The following LDLRAD3 variants were observed in gnomAD, a reference collection of about 807,000 sequenced individuals.
The protein encoded by LDLRAD3 is low density lipoprotein receptor class A domain containing 3.
LDLRAD3 carries 20 observed loss-of-function variants against 29.4 expected under a neutral mutation model. The ratio of observed to expected loss-of-function variants is 0.68; its 90% CI spans 0.48 to 0.99. LDLRAD3 has a LOEUF of 0.99. Ranked by LOEUF, LDLRAD3 falls within the 50% of genes least tolerant of loss-of-function variation. The pLI, the probability that LDLRAD3 is intolerant of heterozygous loss-of-function variation, is 0.00. For synonymous variants in LDLRAD3, 157 were observed against 192.7 expected (o/e 0.81, Z 1.53); for missense variants, 420 against 454.3 (o/e 0.92, Z 0.69).
At chr11:36,226,433 T>C (rs1855499315) in intron 4 of LDLRAD3, among the ~76,000 whole-genome samples, 1 of 152,228 alleles carries the variant, frequency 6.6e-6, no homozygotes, top group South Asian at 2.1e-4. Flanking sequence ...TCCTGAGGTG[T>C]GTTATACATT....
At chr11:36,116,444 G>A (rs1853675451) in intron 4 of LDLRAD3, among the ~76,000 whole-genome samples, 1 of 152,128 alleles carries the variant, frequency 6.6e-6, no homozygotes, top group African/African-American at 2.4e-5. Flanking sequence ...GGGGATGGGG[G>A]GATGCTCATA....
intron 1 of LDLRAD3, among the ~76,000 whole-genome samples, chr11:36,027,659 G>T (rs1852185370): frequency 6.6e-6 from 1 of 152,182 alleles, no homozygotes; most frequent in African/African-American, 2.4e-5. Flanking sequence ...GCCCTGCCTG[G>T]AGGCATCTGC....
At chr11:36,036,020 A>C (rs1415890756) in intron 1 of LDLRAD3, 83 bp from the exon 2 acceptor site, 1 of 1,434,574 alleles carries the variant, frequency 7.0e-7, no homozygotes, top group Non-Finnish European at 9.5e-7. Flanking sequence ...TCTCACCTAT[A>C]CCAAACCACA....
chr11:36,109,818 G>A (rs1474594545), intron 4 of LDLRAD3: 8 of 151,902 alleles, frequency 5.3e-5, no homozygotes, highest in African/African-American at 1.9e-4. Flanking sequence ...AATTTGAAGG[G>A]TGGTCAGTAT....
At chr11:36,097,106 G>A (rs1479001115) in intron 3 of LDLRAD3, among the ~76,000 whole-genome samples, 1 of 152,198 alleles carries the variant, frequency 6.6e-6, no homozygotes, top group African/African-American at 2.4e-5. Flanking sequence ...TTCTTAAGGG[G>A]ACGGCCCAGA....
chr11:36,230,912 C>G lies in LDLRAD3; in HGVS notation c.*1515C>G, dbSNP rs145869506. 7 of 152,478 alleles carry G rather than the reference C, an allele frequency of 4.6e-5. No homozygotes were observed. In the East Asian group the frequency reaches 1.4e-3, roughly 29 times the overall value. 9.4% of individuals were successfully genotyped at this position (152,478 alleles called of 1,614,324 possible). A position where few individuals can be genotyped will look rare whatever the true frequency, so the allele number is the denominator to read the frequency against. Reference sequence around the variant, plus strand: ...CTTGAAGGAAGCAGAAAGAGGGACTCCTCTCTCCCTCCGTGTATAGTCTCT... The same window carrying G: ...CTTGAAGGAAGCAGAAAGAGGGACTGCTCTCTCCCTCCGTGTATAGTCTCT... On this transcript the variant is annotated 3_prime_UTR_variant, in exon 6 of 6. Coordinates refer to ENST00000315571, the MANE Select transcript of LDLRAD3 (RefSeq NM_174902.4).
chr11:36,148,087 T>A (rs1381865116), intron 4 of LDLRAD3, among the ~76,000 whole-genome samples: 2 of 152,100 alleles, frequency 1.3e-5, no homozygotes, highest in Non-Finnish European at 2.9e-5. Flanking sequence ...GCCAGGCTGG[T>A]CTTGAACTCC....
intron 2 of LDLRAD3, among the ~76,000 whole-genome samples, chr11:36,053,900 T>C (rs1482757197): frequency 1.3e-5 from 2 of 151,510 alleles, no homozygotes; most frequent in African/African-American, 4.8e-5. Context: ...AGCAGTTAGC[T>C]ATGCCCACAG....
intron 4 of LDLRAD3, among the ~76,000 whole-genome samples, chr11:36,179,411 T>G (rs1317727536): frequency 6.6e-6 from 1 of 151,930 alleles, no homozygotes; most frequent in East Asian, 1.9e-4. Context: ...GAGGTGGTGG[T>G]TGCAGTGAGC....
intron 5 of LDLRAD3, among the ~76,000 whole-genome samples, chr11:36,228,155 A>T (rs1459585480): frequency 6.6e-6 from 1 of 152,116 alleles, no homozygotes; most frequent in African/African-American, 2.4e-5. Flanking sequence ...ATGGCATTAG[A>T]CATTTTGCTG....
intron 1 of LDLRAD3, among the ~76,000 whole-genome samples, chr11:36,031,070 G>A (rs953421865): frequency 4.0e-5 from 6 of 151,006 alleles, no homozygotes; most frequent in Non-Finnish European, 8.8e-5. Context: ...AATAGAATGG[G>A]ACTTGTAATT....
At chr11:36,051,385 C>T (rs1412762724) in intron 2 of LDLRAD3, among the ~76,000 whole-genome samples, 1 of 152,178 alleles carries the variant, frequency 6.6e-6, no homozygotes, top group Non-Finnish European at 1.5e-5. Context: ...TCATGCTCTA[C>T]CTCTACCTAG....
chr11:35,975,038 C>G (rs1376552031), intron 1 of LDLRAD3, among the ~76,000 whole-genome samples: 1 of 152,208 alleles, frequency 6.6e-6, no homozygotes, highest in Non-Finnish European at 1.5e-5. Context: ...GGTGTGGAGC[C>G]TAACTCTGTC....
At chr11:36,002,647 C>G (rs1431942338) in intron 1 of LDLRAD3, among the ~76,000 whole-genome samples, 2 of 152,186 alleles carry the variant, frequency 1.3e-5, no homozygotes, top group Non-Finnish European at 2.9e-5. Context: ...TGGAACCTCA[C>G]TTGGCTTTAG....
rs567738779 is a variant in LDLRAD3 at position 36,121,286 on chromosome 11, G to T, written c.454+22825G>T. On this transcript the variant is annotated intron_variant, in intron 4 of 5. Transcript: ENST00000315571. Reference sequence around the variant, plus strand: ...GTTTGCCTAAGTGAGAGTGATGACTGGAGCCAGAAGACACCCGGGGGAGAG... The same window carrying T: ...GTTTGCCTAAGTGAGAGTGATGACTTGAGCCAGAAGACACCCGGGGGAGAG... Among the ~76,000 whole-genome samples, 3 of 152,260 alleles carry T rather than the reference G, an allele frequency of 2.0e-5. No individual in the cohort carries two copies. The South Asian group carries it at 6.2e-4, about 32-fold the overall frequency.
chr11:36,107,907 A>G (rs1590273254), intron 4 of LDLRAD3, among the ~76,000 whole-genome samples: 1 of 152,338 alleles, frequency 6.6e-6, no homozygotes, highest in East Asian at 1.9e-4. Flanking sequence ...GCACGTACCA[A>G]ATTTTGTTAA....
chr11:35,956,881 G>A (rs969562801), intron 1 of LDLRAD3, among the ~76,000 whole-genome samples: 5 of 151,640 alleles, frequency 3.3e-5, no homozygotes, highest in Non-Finnish European at 5.9e-5. Flanking sequence ...GACTACAGGC[G>A]CCCGCCACTA....
chr11:36,025,814 T>C (rs1407360988), intron 1 of LDLRAD3, among the ~76,000 whole-genome samples: 2 of 145,932 alleles, frequency 1.4e-5, no homozygotes, highest in Admixed American at 6.8e-5. Flanking sequence ...AGTTTCGCTC[T>C]TGTTGCCCAG....
At chr11:36,066,060 C>T (rs1852786964) in intron 2 of LDLRAD3, among the ~76,000 whole-genome samples, 1 of 152,166 alleles carries the variant, frequency 6.6e-6, no homozygotes. Context: ...AGATAACCCT[C>T]CTTGCCTAAG....
Sources: allele counts gnomAD v4.1 joint callset (sites outside exome capture counted in the v4.1 genomes callset), GRCh38; gene constraint gnomAD v4.1.1; transcripts MANE v1.5; gene names NCBI Gene and HGNC (gene_info 2026-07-23, HGNC 2026-07-21).